Variants in GTPBP6 observed in about 807,000 individuals in gnomAD.
GTPBP6 encodes the protein GTP binding protein 6.
Under a neutral mutation model 28.9 loss-of-function variants are expected in GTPBP6, and 33 were observed. The observed-to-expected ratio is 1.14, with a 90% CI of 0.87 to 1.53. The LOEUF is 1.53. GTPBP6 is among the 40% of genes most tolerant of loss of function. The pLI is 0.00. For missense variants in GTPBP6, 507 were observed against 408.3 expected (o/e 1.24, Z -2.08); for synonymous variants, 231 against 192.7 (o/e 1.20, Z -1.65).
chrX:313,569 T>C (rs1008649602), intron 5 of GTPBP6, among the ~76,000 whole-genome samples: 1 of 152,148 alleles, frequency 6.6e-6, no homozygotes, highest in African/African-American at 2.4e-5. Flanking sequence ...GGGACCTTAT[T>C]TGAAAATAAG....
chrX:305,254 T>C, intron 9 of GTPBP6, 57 bp from the exon 10 acceptor site: 1 of 1,289,124 alleles, frequency 7.8e-7, no homozygotes, highest in South Asian at 1.2e-5. Flanking sequence ...ATTTGCTTAG[T>C]TTCATGATAA....
intron 6 of GTPBP6, 154 bp downstream of exon 6, chrX:312,612 C>A: frequency 1.3e-6 from 1 of 794,412 alleles, no homozygotes; most frequent in Non-Finnish European, 2.1e-6. Context: ...GTACCCCACA[C>A]GGCGACCATG....
intron 2 of GTPBP6, among the ~76,000 whole-genome samples, chrX:315,560 A>G (rs2070415417): frequency 2.0e-5 from 1 of 50,988 alleles, no homozygotes; most frequent in African/African-American, 1.7e-4. Context: ...GCAGACACAC[A>G]CACACACACA....
chrX:308,021 G>T, intron 7 of GTPBP6, 141 bp from the exon 8 acceptor site: 1 of 641,708 alleles, frequency 1.6e-6, no homozygotes, highest in Non-Finnish European at 2.3e-6. Context: ...CAGGCCCCTC[G>T]GACACCCCAG....
intron 7 of GTPBP6, among the ~76,000 whole-genome samples, chrX:311,176 G>A (rs776094672): frequency 1.2e-4 from 18 of 148,828 alleles, no homozygotes; most frequent in African/African-American, 4.4e-4. Context: ...TTGTTGTTCC[G>A]GCCCCGAGTT....
In GTPBP6 at chrX:318,505, TC is replaced by T; in HGVS notation, c.282del (p.Thr95ProfsTer20). On this transcript the variant is annotated frameshift_variant, in exon 1 of 10. Transcript: ENST00000326153. LOFTEE classifies it high-confidence loss of function. ...GGGTGAACCAGACACACGCGCTGGG[TC>T]CCCGCCGGCAGCAGAGGCTCTCCCC... 1 of 398,176 alleles carries T rather than the reference TC, an allele frequency of 2.5e-6. No individual in the cohort carries two copies. The highest frequency in any genetic ancestry group is 4.4e-6 in the Non-Finnish European group (1 of 225,886). The allele number at this position is 398,176 out of a possible 1,614,324, so 24.7% of individuals were successfully genotyped here. A position where few individuals can be genotyped will look rare whatever the true frequency, so the allele number is the denominator to read the frequency against.
intron 8 of GTPBP6, 53 bp downstream of exon 8, chrX:307,679 C>T: frequency 1.4e-6 from 2 of 1,451,482 alleles, no homozygotes; most frequent in East Asian, 2.5e-5. Flanking sequence ...CCCCACCCGG[C>T]TCCAGCGCGT....
intron 8 of GTPBP6, 89 bp downstream of exon 8, chrX:307,643 G>T: frequency 7.0e-7 from 1 of 1,419,050 alleles, no homozygotes; most frequent in Non-Finnish European, 9.4e-7. Flanking sequence ...CCACCGCTGC[G>T]GTTCACACGA....
intron 3 of GTPBP6, 89 bp downstream of exon 3, chrX:315,140 C>G: frequency 2.5e-6 from 1 of 397,546 alleles, no homozygotes; most frequent in Non-Finnish European, 4.4e-6. Flanking sequence ...CTGTCCCCAT[C>G]TGTCCCCCGC....
exon 3 of GTPBP6, chrX:315,269 C>G (rs1174958917): frequency 2.5e-6 from 1 of 398,440 alleles, no homozygotes; most frequent in South Asian, 1.3e-4. Context: ...CAGGAAGACG[C>G]ACGTGATGTC....
At chrX:316,546 C>T (rs1270995881) in intron 2 of GTPBP6, among the ~76,000 whole-genome samples, 1 of 152,124 alleles carries the variant, frequency 6.6e-6, no homozygotes, top group South Asian at 2.1e-4. Flanking sequence ...ATGCTGGACC[C>T]CACCCTAAGA....
In GTPBP6 at chrX:312,758, G is replaced by C. The variant is rs35593800; in HGVS notation, c.916+8C>G. The C allele has an allele frequency of 1.9e-6, 3 of 1,610,336 alleles. No individual in the cohort carries two copies. Among genetic ancestry groups the C allele is most frequent in the African/African-American group, 2.7e-5 (2 of 74,760 alleles). ...CGCGGAAGGCCCCTCCCCTGGGCGCGTGCTCACCGCAGTTGGTGTACCCCA... is the reference window on the plus strand; with the variant it reads ...CGCGGAAGGCCCCTCCCCTGGGCGCCTGCTCACCGCAGTTGGTGTACCCCA... On this transcript the variant is annotated splice_region_variant and intron_variant, in intron 6 of 9. Transcript: ENST00000326153.
chrX:316,746 C>T (rs1427481714), intron 2 of GTPBP6, among the ~76,000 whole-genome samples, 168 bp downstream of exon 2: 2 of 152,152 alleles, frequency 1.3e-5, no homozygotes, highest in African/African-American at 4.8e-5. Flanking sequence ...CCTCACCGTC[C>T]TCCGACTCCT....
exon 7 of GTPBP6, chrX:311,595 C>T (rs1178083181): frequency 1.6e-5 from 25 of 1,612,070 alleles, no homozygotes; most frequent in Admixed American, 8.3e-5. Context: ...ATGGCGGCAT[C>T]GCCCGTCAGT....
chrX:314,966 G>C, exon 4 of GTPBP6: 1 of 398,730 alleles, frequency 2.5e-6, no homozygotes, highest in African/African-American at 2.0e-5. Flanking sequence ...AAGATGTGCA[G>C]GACGACCGTG....
chrX:314,626 C>CCA, intron 4 of GTPBP6, among the ~76,000 whole-genome samples: 1 of 152,228 alleles, frequency 6.6e-6, no homozygotes, highest in South Asian at 2.1e-4. Flanking sequence ...GCGCCCGCCA[C>CCA]CACGCCCGGC....
In GTPBP6 at chrX:317,566, GGGT is replaced by G. The variant is rs1274542039; in HGVS notation, c.350-518_350-516del. 1.4e-3 allele frequency among the ~76,000 whole-genome samples: 155 copies of G among 108,630 alleles called. 1 individual carries two copies. Among genetic ancestry groups the G allele is most frequent in the African/African-American group, 6.3e-3 (150 of 23,786 alleles). 71.3% of individuals were successfully genotyped at this position (108,630 alleles called of 152,430 possible). ...TTTGCATTTCCTCCTGGGGGGTGGG[GGGT>G]GGGACTAGACACAGATTGGTCCGCT... On this transcript the variant is annotated intron_variant, in intron 1 of 9. Transcript: ENST00000326153.
intron 7 of GTPBP6, among the ~76,000 whole-genome samples, chrX:309,276 C>T (rs1457076127): frequency 3.3e-5 from 5 of 152,142 alleles, no homozygotes; most frequent in Admixed American, 2.0e-4. Context: ...GTGTGCAGCT[C>T]ACTCAGCACC....
At chrX:315,564 A>G (rs2070415620) in intron 2 of GTPBP6, among the ~76,000 whole-genome samples, 2 of 137,208 alleles carry the variant, frequency 1.5e-5, no homozygotes, top group Admixed American at 6.9e-5. Flanking sequence ...ACACACACAC[A>G]CACACACACA....
Sources: gnomAD v4.1 joint callset for allele counts (sites outside exome capture counted in the v4.1 genomes callset) on GRCh38, gnomAD v4.1.1 for gene constraint, MANE v1.5 for transcripts, NCBI Gene and HGNC (gene_info 2026-07-23, HGNC 2026-07-21) for gene names.